Variants in DPYD observed in about 807,000 individuals in gnomAD.
The protein encoded by DPYD is dihydropyrimidine dehydrogenase, also known as dihydropyrimidine dehydrogenase [NADP(+)].
DPYD carries 109 observed loss-of-function variants against 116.2 expected under a neutral mutation model. The observed-to-expected ratio is 0.94, with a 90% CI of 0.80 to 1.10. The LOEUF is 1.10. Ranked by LOEUF, DPYD falls within the 50% of genes least tolerant of loss-of-function variation. The pLI is 0.00. For synonymous variants in DPYD, 440 were observed against 432.0 expected, an observed-to-expected ratio of 1.02 and a Z score of -0.23; for missense variants, 1,302 against 1,254.5, an observed-to-expected ratio of 1.04 and a Z score of -0.57.
chr1:97,738,549 T>C (rs757761540), intron 4 of DPYD, among the ~76,000 whole-genome samples: 3 of 152,114 alleles, frequency 2.0e-5, no homozygotes, highest in East Asian at 1.9e-4. Flanking sequence ...CCCTCCTGCG[T>C]TGAGGTCCAC....
chr1:97,718,184 C>T (rs537770491), intron 5 of DPYD, among the ~76,000 whole-genome samples: 13 of 152,028 alleles, frequency 8.6e-5, no homozygotes, highest in Non-Finnish European at 2.9e-5. Flanking sequence ...GGTGGTAGTG[C>T]ATTCTGGTTT....
chr1:97,178,176 T>G (rs1262521098), intron 20 of DPYD, among the ~76,000 whole-genome samples: 1 of 152,150 alleles, frequency 6.6e-6, no homozygotes, highest in Non-Finnish European at 1.5e-5. Context: ...CCTGGAGCAC[T>G]CTGACAGGAG....
At chr1:97,493,153 T>C (rs905595684) in intron 13 of DPYD, among the ~76,000 whole-genome samples, 4 of 152,168 alleles carry the variant, frequency 2.6e-5, no homozygotes, top group African/African-American at 9.6e-5. Context: ...CTACAGGAAG[T>C]TAAGGAATAT....
chr1:97,584,172 G>A (rs1212917985), intron 10 of DPYD, among the ~76,000 whole-genome samples: 1 of 152,190 alleles, frequency 6.6e-6, no homozygotes, highest in East Asian at 1.9e-4. Flanking sequence ...CAGTGATGAT[G>A]AGCATTTTTT....
chr1:97,797,529 A>C (rs1337844603), intron 3 of DPYD: 1 of 152,084 alleles, frequency 6.6e-6, no homozygotes, highest in Non-Finnish European at 1.5e-5. Context: ...ACATCATAAG[A>C]AGTCCTGAAT....
Position 97,219,331 on chromosome 1 carries a change from C to G in DPYD, c.2442+15521G>C, listed in dbSNP as rs1460686127. Among the ~76,000 whole-genome samples, 4 of 152,272 alleles carry G rather than the reference C, an allele frequency of 2.6e-5. No individual in the cohort carries two copies. In the East Asian group the frequency reaches 7.7e-4, roughly 29 times the overall value. On this transcript the variant is annotated intron_variant, in intron 19 of 22. Coordinates refer to ENST00000370192, the MANE Select transcript of DPYD (RefSeq NM_000110.4). ...ATAGAGTGGCAAAATCTATTCTCAT[C>G]TGAACCCTTGGGAAAATTTTTAAAT...
chr1:97,829,749 T>C (rs1669432929), intron 2 of DPYD, among the ~76,000 whole-genome samples: 1 of 152,152 alleles, frequency 6.6e-6, no homozygotes, highest in African/African-American at 2.4e-5. Flanking sequence ...AATCTTTTTT[T>C]TATTTCTTTT....
At chr1:97,718,704 T>A (rs181610454) in intron 5 of DPYD, among the ~76,000 whole-genome samples, 34 of 152,024 alleles carry the variant, frequency 2.2e-4, no homozygotes, top group African/African-American at 8.2e-4. Context: ...AAATCGTTTT[T>A]TTTCAAACTT....
chr1:97,227,822 A>G (rs1661293680), intron 19 of DPYD, among the ~76,000 whole-genome samples: 2 of 152,050 alleles, frequency 1.3e-5, no homozygotes, highest in African/African-American at 4.8e-5. Context: ...AATAAGGTTC[A>G]GTTTGATTAT....
At chr1:97,470,172 C>T (rs1677563347) in intron 13 of DPYD, among the ~76,000 whole-genome samples, 1 of 151,958 alleles carries the variant, frequency 6.6e-6, no homozygotes, top group Non-Finnish European at 1.5e-5. Context: ...TATGATGGGG[C>T]AGTATGGTGT....
At chr1:97,438,278 G>T (rs1675577725) in intron 14 of DPYD, among the ~76,000 whole-genome samples, 1 of 151,968 alleles carries the variant, frequency 6.6e-6, no homozygotes, top group Admixed American at 6.6e-5. Context: ...TTTTGATTGG[G>T]ATTGCACTTT....
chr1:97,389,661 A>G (rs891825134), intron 14 of DPYD, among the ~76,000 whole-genome samples: 14 of 152,176 alleles, frequency 9.2e-5, no homozygotes, highest in African/African-American at 3.4e-4. Flanking sequence ...GGAGTATTTA[A>G]TAGTTTTGAC....
intron 18 of DPYD, among the ~76,000 whole-genome samples, chr1:97,282,150 TTG>T (rs1665362477): frequency 6.6e-6 from 1 of 152,126 alleles, no homozygotes; most frequent in South Asian, 2.1e-4. Context: ...TGTTACTGTG[TTG>T]ACTACAAAGC....
intron 13 of DPYD, among the ~76,000 whole-genome samples, chr1:97,507,322 T>C (rs750612936): frequency 6.6e-6 from 1 of 151,938 alleles, no homozygotes; most frequent in Non-Finnish European, 1.5e-5. Flanking sequence ...TTTAAACAAT[T>C]ATAACTCCTA....
intron 12 of DPYD, among the ~76,000 whole-genome samples, chr1:97,526,026 T>A (rs1057372545): frequency 1.3e-5 from 2 of 150,918 alleles, no homozygotes; most frequent in Non-Finnish European, 3.0e-5. Context: ...TTTCTATAAT[T>A]CAGTCACATT....
intron 8 of DPYD, among the ~76,000 whole-genome samples, chr1:97,600,348 G>A (rs1441905501): frequency 1.3e-5 from 2 of 152,136 alleles, no homozygotes; most frequent in Non-Finnish European, 2.9e-5. Flanking sequence ...ATTAGGGACA[G>A]TATTAAAATA....
chr1:97,703,943 G>A (rs1661751051), intron 5 of DPYD, among the ~76,000 whole-genome samples: 1 of 151,860 alleles, frequency 6.6e-6, no homozygotes, highest in Admixed American at 6.6e-5. Flanking sequence ...ACTAGAGCTG[G>A]TCCTGGCTGG....
chr1:97,827,460 CT>C (rs1349443909), intron 3 of DPYD, among the ~76,000 whole-genome samples: 1 of 151,820 alleles, frequency 6.6e-6, no homozygotes, highest in Non-Finnish European at 1.5e-5. Flanking sequence ...AATAAAAAGC[CT>C]TTCTTGATTC....
intron 8 of DPYD, among the ~76,000 whole-genome samples, chr1:97,662,605 C>G (rs1301565951): frequency 1.3e-5 from 2 of 152,000 alleles, no homozygotes; most frequent in African/African-American, 4.8e-5. Context: ...TGCACTCCAG[C>G]CTGGGCGACA....
Sources: gnomAD v4.1 joint callset for allele counts (sites outside exome capture counted in the v4.1 genomes callset) on GRCh38, gnomAD v4.1.1 for gene constraint, MANE v1.5 for transcripts, NCBI Gene and HGNC (gene_info 2026-07-23, HGNC 2026-07-21) for gene names.